TMEM132D: variants seen among roughly 807,000 people sequenced by gnomAD.
The protein encoded by TMEM132D is mature OL transmembrane protein.
In TMEM132D, 21 loss-of-function variants were observed where a neutral mutation model predicts 62.3. The observed-to-expected ratio is 0.34, with a 90% CI of 0.24 to 0.49. The LOEUF (loss-of-function observed/expected upper bound fraction) is 0.49. TMEM132D is among the 20% of genes least tolerant of loss of function. The pLI is 0.99. For synonymous variants in TMEM132D, 621 were observed against 575.6 expected (o/e 1.08, Z -1.13); for missense variants, 1,346 against 1,402.8 (o/e 0.96, Z 0.65).
chr12:129,289,945 C>T (rs1163791836), intron 4 of TMEM132D, among the ~76,000 whole-genome samples: 1 of 152,130 alleles, frequency 6.6e-6, no homozygotes, highest in Admixed American at 6.5e-5. Context: ...CCACCCTGCA[C>T]AATGTGCAGC....
At chr12:129,123,125 T>C (rs1314557734) in intron 5 of TMEM132D, among the ~76,000 whole-genome samples, 1 of 152,234 alleles carries the variant, frequency 6.6e-6, no homozygotes, top group East Asian at 1.9e-4. Flanking sequence ...TTGTTGACTA[T>C]GCTAACATAA....
At chr12:129,530,990 G>GGGAAA in intron 3 of TMEM132D, 69 bp downstream of exon 3, 1 of 1,267,186 alleles carries the variant, frequency 7.9e-7, no homozygotes, top group Non-Finnish European at 1.0e-6. Flanking sequence ...AGCAATCTAG[G>GGGAAA]AAAAAAAAAA....
chr12:129,164,841 G>A (rs979638732), intron 5 of TMEM132D, among the ~76,000 whole-genome samples: 1 of 152,162 alleles, frequency 6.6e-6, no homozygotes, highest in Non-Finnish European at 1.5e-5. Context: ...TGAGATTTGG[G>A]TGGGAACACA....
rs144160701 is a variant in TMEM132D at position 129,734,243 on chromosome 12, T to G, written c.80-33545A>C. Among the ~76,000 whole-genome samples, 393 of 152,298 alleles carry G rather than the reference T, an allele frequency of 2.6e-3. 2 individuals carry two copies. The highest frequency in any genetic ancestry group is 9.1e-3 in the African/African-American group (378 of 41,562). On this transcript the variant is annotated intron_variant, in intron 1 of 8. Transcript: ENST00000422113. ...GACCTAAGGAAAGTATAAGATGTCA[T>G]GAACAAAGAGAACGTACTTACAGAG... is the stretch of plus-strand genomic sequence containing the variant.
chr12:129,357,082 TA>T (rs1298151598), intron 3 of TMEM132D, among the ~76,000 whole-genome samples: 2 of 149,288 alleles, frequency 1.3e-5, no homozygotes, highest in African/African-American at 2.5e-5. Context: ...CCGTCTCTAC[TA>T]AAAAACACAA....
At chr12:129,813,109 C>T (rs1212400068) in intron 1 of TMEM132D, among the ~76,000 whole-genome samples, 1 of 151,822 alleles carries the variant, frequency 6.6e-6, no homozygotes, top group African/African-American at 2.4e-5. Context: ...CCTCCTTTCT[C>T]CCACTTTTTC....
intron 2 of TMEM132D, among the ~76,000 whole-genome samples, chr12:129,621,389 C>T (rs1879062838): frequency 1.3e-5 from 2 of 152,128 alleles, no homozygotes; most frequent in African/African-American, 4.8e-5. Context: ...CGCCACCCTC[C>T]CCCTGCCCCC....
intron 3 of TMEM132D, among the ~76,000 whole-genome samples, chr12:129,500,951 T>C (rs976279008): frequency 3.3e-5 from 5 of 152,174 alleles, no homozygotes; most frequent in Admixed American, 6.5e-5. Context: ...GAGCTTCGCT[T>C]CAAAACATTG....
At chr12:129,321,682 C>G (rs1320164503) in intron 4 of TMEM132D, among the ~76,000 whole-genome samples, 1 of 152,080 alleles carries the variant, frequency 6.6e-6, no homozygotes, top group African/African-American at 2.4e-5. Context: ...TCAGCCTCCC[C>G]CGACTAGCTG....
chr12:129,537,708 G>A (rs1421817916), intron 2 of TMEM132D, among the ~76,000 whole-genome samples: 3 of 152,190 alleles, frequency 2.0e-5, no homozygotes, highest in African/African-American at 4.8e-5. Context: ...AGAACAGTTC[G>A]AGGAGACCAA....
At chr12:129,539,554 G>A (rs984148957) in intron 2 of TMEM132D, among the ~76,000 whole-genome samples, 5 of 145,654 alleles carry the variant, frequency 3.4e-5, no homozygotes, top group South Asian at 2.2e-4. Flanking sequence ...ACAGGAGCCC[G>A]CCACTGGCTA....
At chr12:129,299,779 T>C (rs1055335988) in intron 4 of TMEM132D, among the ~76,000 whole-genome samples, 7 of 152,180 alleles carry the variant, frequency 4.6e-5, no homozygotes, top group Non-Finnish European at 7.3e-5. Flanking sequence ...CAGGGCGTTC[T>C]CATGGTGGTG....
At chr12:129,789,404 T>C (rs34623771) in intron 1 of TMEM132D, among the ~76,000 whole-genome samples, 13,710 of 152,268 alleles carry the variant, frequency 0.09, 648 homozygotes, top group East Asian at 0.16. Flanking sequence ...GAAGCCATTA[T>C]GTGAAAAAGA....
intron 1 of TMEM132D, among the ~76,000 whole-genome samples, chr12:129,859,545 T>G (rs1873826867): frequency 6.6e-6 from 1 of 152,170 alleles, no homozygotes; most frequent in Non-Finnish European, 1.5e-5. Flanking sequence ...TGTGAGGGTG[T>G]TGCCAGAGAA....
intron 2 of TMEM132D, among the ~76,000 whole-genome samples, chr12:129,566,546 T>C (rs549995917): frequency 1.8e-4 from 27 of 152,350 alleles, no homozygotes; most frequent in South Asian, 1.5e-3. Flanking sequence ...ACAGACTCTT[T>C]GTAGCAATAA....
intron 3 of TMEM132D, among the ~76,000 whole-genome samples, chr12:129,420,767 T>C (rs1872295436): frequency 6.6e-6 from 1 of 152,204 alleles, no homozygotes; most frequent in African/African-American, 2.4e-5. Context: ...CAAAGTTAAC[T>C]GCAACCTCTA....
chr12:129,401,251 T>A (rs1338458135), intron 3 of TMEM132D, among the ~76,000 whole-genome samples: 1 of 152,168 alleles, frequency 6.6e-6, no homozygotes, highest in African/African-American at 2.4e-5. Context: ...GACCACCCCA[T>A]ATGCCAGCCT....
chr12:129,749,032 A>C (rs1488127619), intron 1 of TMEM132D, among the ~76,000 whole-genome samples: 2 of 152,220 alleles, frequency 1.3e-5, no homozygotes, highest in African/African-American at 4.8e-5. Context: ...ATCACACAGG[A>C]GAGATCAGCA....
At chr12:129,744,290 C>T (rs985619935) in intron 1 of TMEM132D, among the ~76,000 whole-genome samples, 1 of 152,240 alleles carries the variant, frequency 6.6e-6, no homozygotes, top group Middle Eastern at 3.4e-3. Context: ...ATGTTGAGAT[C>T]GCTCCAAGGA....
Sources: allele counts gnomAD v4.1 joint callset (sites outside exome capture counted in the v4.1 genomes callset), GRCh38; gene constraint gnomAD v4.1.1; transcripts MANE v1.5; gene names NCBI Gene and HGNC (gene_info 2026-07-23, HGNC 2026-07-21).